STK32B: variants seen among roughly 807,000 people sequenced by gnomAD.
STK32B encodes serine/threonine kinase 32B.
A neutral mutation model predicts 52.6 loss-of-function variants in STK32B; 43 were observed. That is an observed-to-expected ratio of 0.82 (90% CI 0.64 to 1.05). The LOEUF (loss-of-function observed/expected upper bound fraction) is 1.05, where lower values mean the gene tolerates loss of function less well. Among genes scored for constraint, STK32B ranks in the 50% least tolerant of loss-of-function variants. The probability of loss-of-function intolerance (pLI) is 0.00; values close to 1 mark genes in which losing one functional copy is unlikely to be tolerated. For synonymous variants in STK32B, 238 were observed against 204.3 expected (o/e 1.17, Z -1.41); for missense variants, 621 against 534.6 (o/e 1.16, Z -1.59).
intron 7 of STK32B, among the ~76,000 whole-genome samples, chr4:5,450,753 G>A (rs1715916405): frequency 6.6e-6 from 1 of 152,162 alleles, no homozygotes; most frequent in Non-Finnish European, 1.5e-5. Context: ...TAATTACCCA[G>A]CTCCAAGACT....
In STK32B at chr4:5,499,136, C is replaced by T; in HGVS notation, c.*53C>T. 11 of 1,535,666 alleles carry T rather than the reference C, an allele frequency of 7.2e-6. No homozygotes were observed. The highest frequency in any genetic ancestry group is 9.7e-6 in the Non-Finnish European group (11 of 1,134,898). On this transcript the variant is annotated 3_prime_UTR_variant, in exon 12 of 12. Coordinates refer to ENST00000282908, the MANE Select transcript of STK32B (RefSeq NM_018401.3). ...CTGCACTCGTCTCTGCCCTGCCCAC[C>T]CAGAGCCCCTCTTTGTGCCCTGATG...
chr4:5,078,852 G>A (rs887177477), intron 1 of STK32B, among the ~76,000 whole-genome samples: 1 of 152,204 alleles, frequency 6.6e-6, no homozygotes, highest in African/African-American at 2.4e-5. Context: ...GGCCAGCACA[G>A]GGAAGTGGAG....
chr4:5,287,647 A>T (rs1336681757), intron 3 of STK32B, among the ~76,000 whole-genome samples: 1 of 151,952 alleles, frequency 6.6e-6, no homozygotes, highest in Non-Finnish European at 1.5e-5. Flanking sequence ...TTTTATGTAC[A>T]TGTAAATAAT....
chr4:5,163,538 C>CTG (rs3077842), intron 2 of STK32B, among the ~76,000 whole-genome samples: 8,832 of 139,288 alleles, frequency 0.063, 348 homozygotes, highest in Non-Finnish European at 0.094. Context: ...AGAGTGAAGG[C>CTG]TGTGTGTGTG....
Position 5,416,952 on chromosome 4 carries a change from C to G in STK32B, c.562+18C>G. The G allele has an allele frequency of 6.2e-7, 1 of 1,603,450 alleles. No individual in the cohort carries two copies. Among genetic ancestry groups the G allele is most frequent in the Non-Finnish European group, 8.5e-7 (1 of 1,174,342 alleles). ...CTACATGGGTGAGTGTTCCAGGCCC[C>G]TTCTTTTCATGTGATCGGGCTCACT... On this transcript the variant is annotated intron_variant, in intron 6 of 11. Transcript: ENST00000282908.
At chr4:5,301,664 CT>C (rs3077861) in intron 3 of STK32B, among the ~76,000 whole-genome samples, 21,213 of 108,332 alleles carry the variant, frequency 0.2, 2,407 homozygotes, top group African/African-American at 0.39. Flanking sequence ...TCTTTTCTTT[CT>C]TTTTTTTTTT....
chr4:5,395,821 C>T lies in STK32B; in HGVS notation c.435-2386C>T, dbSNP rs1295329464. On this transcript the variant is annotated intron_variant, in intron 4 of 11. Transcript: ENST00000282908. This position sits in a 1 kb window ranked among gnomAD's most constrained non-coding sequence, Gnocchi z 4.4. ...AGACTGGAGTTGGAACACAGACTGT[C>T]TAGATCATGGGCTGAATTCTCCCAA... 6.6e-6 allele frequency among the ~76,000 whole-genome samples: 1 copy of T among 152,222 alleles called. No individual in the cohort carries two copies. The highest frequency in any genetic ancestry group is 1.5e-5 in the Non-Finnish European group (1 of 68,040).
At chr4:5,411,965 A>C (rs749874172) in intron 5 of STK32B, among the ~76,000 whole-genome samples, 1 of 152,184 alleles carries the variant, frequency 6.6e-6, no homozygotes, top group Admixed American at 6.5e-5. Flanking sequence ...AAGCTAGTCT[A>C]TCAATCGTGT....
At position 5,393,662 on chromosome 4, in the gene STK32B, A is replaced by G. The variant is rs145826667; in HGVS notation, c.435-4545A>G. On this transcript the variant is annotated intron_variant, in intron 4 of 11. Transcript: ENST00000282908. ...ACAACCACAACTCACTATCATGACA[A>G]TAGCACCAAGAGGATGGTGCTAAAC... is the stretch of plus-strand genomic sequence containing the variant. 6.0e-3 allele frequency among the ~76,000 whole-genome samples: 921 copies of G among 152,240 alleles called. 8 individuals are homozygous for G. The highest frequency in any genetic ancestry group is 0.021 in the African/African-American group (858 of 41,514).
At chr4:5,055,579 G>A (rs1391986421) in intron 1 of STK32B, among the ~76,000 whole-genome samples, 1 of 152,050 alleles carries the variant, frequency 6.6e-6, no homozygotes, top group African/African-American at 2.4e-5. Context: ...GGCACAACTT[G>A]CATCGTTAAG....
intron 3 of STK32B, among the ~76,000 whole-genome samples, chr4:5,186,838 T>C (rs1158693851): frequency 6.6e-6 from 1 of 152,224 alleles, no homozygotes; most frequent in Admixed American, 6.5e-5. Flanking sequence ...CCATGGAAAC[T>C]TCATCTTATG....
chr4:5,234,902 C>T (rs73797139), intron 3 of STK32B, among the ~76,000 whole-genome samples: 1 of 152,304 alleles, frequency 6.6e-6, no homozygotes, highest in African/African-American at 2.4e-5. Flanking sequence ...TACTTTCAGC[C>T]CACAGGTTGA....
intron 4 of STK32B, among the ~76,000 whole-genome samples, chr4:5,352,018 CT>C (rs1480496396): frequency 2.6e-5 from 4 of 151,946 alleles, no homozygotes; most frequent in African/African-American, 7.2e-5. Context: ...TTATACCAAA[CT>C]TCCAAAGAGC....
At position 5,467,885 on chromosome 4, in the gene STK32B, G is replaced by T; in HGVS notation, c.1042-121G>T. On this transcript the variant is annotated intron_variant, in intron 10 of 11. Transcript: ENST00000282908. The surrounding 1 kb of genome is among the most constrained non-coding windows in gnomAD (Gnocchi z 5.8). Reference sequence around the variant, plus strand: ...CAGCCCCAGACACTTAGCTTGGCTTGTCCCGGTCCCAAGCATCTGAGGTTT... The same window carrying T: ...CAGCCCCAGACACTTAGCTTGGCTTTTCCCGGTCCCAAGCATCTGAGGTTT... The T allele has an allele frequency of 1.8e-6, 2 of 1,119,948 alleles. No homozygotes were observed. 69.4% of individuals were successfully genotyped at this position (1,119,948 alleles called of 1,614,324 possible). A position where few individuals can be genotyped will look rare whatever the true frequency, so the allele number is the denominator to read the frequency against.
At chr4:5,315,498 A>G (rs79764545) in intron 3 of STK32B, among the ~76,000 whole-genome samples, 4,839 of 145,830 alleles carry the variant, frequency 0.033, 243 homozygotes, top group African/African-American at 0.13. Context: ...ATTATCTAAA[A>G]CTGTATGTAT....
At chr4:5,129,040 A>T (rs1577087986) in intron 1 of STK32B, among the ~76,000 whole-genome samples, 1 of 152,290 alleles carries the variant, frequency 6.6e-6, no homozygotes, top group Non-Finnish European at 1.5e-5. Flanking sequence ...GAACTAATAG[A>T]TTATCTGCTG....
intron 3 of STK32B, among the ~76,000 whole-genome samples, chr4:5,297,192 C>G (rs887501830): frequency 3.9e-5 from 6 of 152,210 alleles, no homozygotes; most frequent in African/African-American, 1.2e-4. Context: ...TGACCTTTCT[C>G]TCTGGCTGCC....
intron 6 of STK32B, among the ~76,000 whole-genome samples, chr4:5,444,560 T>C (rs1715199188): frequency 6.6e-6 from 1 of 152,214 alleles, no homozygotes; most frequent in African/African-American, 2.4e-5. Flanking sequence ...ATCACCCGTC[T>C]TCTGCGTCGC....
chr4:5,410,451 T>G (rs1242514358), intron 5 of STK32B, among the ~76,000 whole-genome samples: 1 of 152,230 alleles, frequency 6.6e-6, no homozygotes, highest in Non-Finnish European at 1.5e-5. Flanking sequence ...TCCTAACTCT[T>G]GGTCTTCCTT....
Sources: gnomAD v4.1 joint callset for allele counts (sites outside exome capture counted in the v4.1 genomes callset) on GRCh38, gnomAD v4.1.1 for gene constraint, Gnocchi (gnomAD v3.1) non-coding constraint, MANE v1.5 for transcripts, NCBI Gene and HGNC (gene_info 2026-07-23, HGNC 2026-07-21) for gene names.